Variants in DOCK5 observed in about 807,000 individuals in gnomAD.
The protein encoded by DOCK5 is dedicator of cytokinesis protein 5.
In DOCK5, 142 loss-of-function variants were observed where a neutral mutation model predicts 251.8. That is an observed-to-expected ratio of 0.56 (90% CI 0.49 to 0.65). DOCK5 has a LOEUF of 0.65. Ranked by LOEUF, DOCK5 falls within the 30% of genes least tolerant of loss-of-function variation. DOCK5 has a pLI of 0.00. For synonymous variants in DOCK5, 842 were observed against 835.5 expected, an observed-to-expected ratio of 1.01 and a Z score of -0.13; for missense variants, 2,111 against 2,312.3, an observed-to-expected ratio of 0.91 and a Z score of 1.79.
At chr8:25,370,705 C>T (rs1355687134) in intron 34 of DOCK5, among the ~76,000 whole-genome samples, 1 of 152,132 alleles carries the variant, frequency 6.6e-6, no homozygotes, top group Non-Finnish European at 1.5e-5. Flanking sequence ...TGGGGTCTTG[C>T]CGTGTTGCCA....
At chr8:25,260,955 C>T (rs1466740957) in intron 2 of DOCK5, among the ~76,000 whole-genome samples, 1 of 152,036 alleles carries the variant, frequency 6.6e-6, no homozygotes, top group Non-Finnish European at 1.5e-5. Flanking sequence ...GCCACCTCAC[C>T]TGGCTAGTTA....
At chr8:25,249,371 T>A (rs1803206740) in intron 2 of DOCK5, among the ~76,000 whole-genome samples, 1 of 152,184 alleles carries the variant, frequency 6.6e-6, no homozygotes, top group Non-Finnish European at 1.5e-5. Flanking sequence ...TCAATTTACT[T>A]ATTTAAAGTA....
chr8:25,355,697 G>A (rs1055426112), intron 27 of DOCK5, among the ~76,000 whole-genome samples: 2 of 151,992 alleles, frequency 1.3e-5, no homozygotes, highest in African/African-American at 4.8e-5. Context: ...TGATCCACCC[G>A]CCTTAGCATC....
intron 18 of DOCK5, among the ~76,000 whole-genome samples, chr8:25,326,035 T>A (rs1480157625): frequency 2.0e-5 from 3 of 152,210 alleles, no homozygotes; most frequent in Non-Finnish European, 4.4e-5. Flanking sequence ...GGATTTTCCA[T>A]AAATTCAGCT....
chr8:25,407,651 T>C (rs1490298825), intron 48 of DOCK5, among the ~76,000 whole-genome samples: 3 of 151,610 alleles, frequency 2.0e-5, no homozygotes, highest in Non-Finnish European at 4.4e-5. Context: ...GGTAGGAGCA[T>C]CACTTGAGCC....
At chr8:25,270,341 G>A (rs1374273962) in intron 3 of DOCK5, among the ~76,000 whole-genome samples, 1 of 152,152 alleles carries the variant, frequency 6.6e-6, no homozygotes, top group Non-Finnish European at 1.5e-5. Flanking sequence ...TAAAGTGAAA[G>A]CTTTTCTTCT....
intron 2 of DOCK5, among the ~76,000 whole-genome samples, chr8:25,258,861 G>A (rs1043342208): frequency 6.6e-6 from 1 of 152,228 alleles, no homozygotes; most frequent in African/African-American, 2.4e-5. Flanking sequence ...GCTCACGCTT[G>A]TAATCCCAGC....
At chr8:25,324,242 G>C (rs916396966) in intron 17 of DOCK5, among the ~76,000 whole-genome samples, 4 of 152,280 alleles carry the variant, frequency 2.6e-5, no homozygotes, top group African/African-American at 9.6e-5. Context: ...TGAATGGTAA[G>C]GGGTCGGCCT....
intron 48 of DOCK5, among the ~76,000 whole-genome samples, chr8:25,406,667 G>T (rs944798368): frequency 2.6e-5 from 4 of 151,072 alleles, no homozygotes; most frequent in Non-Finnish European, 4.4e-5. Context: ...TCGTTGTGTC[G>T]CCCAGGCTGG....
chr8:25,406,008 G>C (rs1458393842), intron 48 of DOCK5, among the ~76,000 whole-genome samples: 2 of 152,052 alleles, frequency 1.3e-5, no homozygotes, highest in African/African-American at 4.8e-5. Flanking sequence ...ACCCAGGCTG[G>C]AGTGCAGTGG....
rs1380614831 is a variant in DOCK5 at position 25,412,654 on chromosome 8, T to C, written c.*1356T>C. The stretch of plus-strand genomic sequence containing the variant: ...GGCAAAGCAGAAAGCTTTTTGACTG[T>C]GAAGGCAGAGGTCAGCACTGGGGGA... On this transcript the variant is annotated 3_prime_UTR_variant, in exon 52 of 52. Coordinates refer to ENST00000276440, the MANE Select transcript of DOCK5 (RefSeq NM_024940.8). 2 of 152,258 alleles carry C rather than the reference T, an allele frequency of 1.3e-5. No homozygotes were observed. The highest frequency in any genetic ancestry group is 2.9e-5 in the Non-Finnish European group (2 of 68,054). The allele number at this position is 152,258 out of a possible 1,614,324, so 9.4% of individuals were successfully genotyped here.
At chr8:25,351,382 C>G (rs1177351252) in intron 26 of DOCK5, 1 of 233,156 alleles carries the variant, frequency 4.3e-6, no homozygotes, top group African/African-American at 2.3e-5. Flanking sequence ...CTAATCTGCT[C>G]AACCTCAGAA....
chr8:25,188,811 C>A (rs528290997), intron 1 of DOCK5, among the ~76,000 whole-genome samples: 1 of 142,172 alleles, frequency 7.0e-6, no homozygotes, highest in African/African-American at 2.4e-5. Context: ...GCTTTTTTCT[C>A]ATCTTTTTTC....
At chr8:25,275,573 G>T in intron 4 of DOCK5, 132 bp downstream of exon 4, 1 of 872,042 alleles carries the variant, frequency 1.1e-6, no homozygotes, top group Non-Finnish European at 1.7e-6. Context: ...GGTGGCTCAC[G>T]CCTGTAATCC....
intron 1 of DOCK5, among the ~76,000 whole-genome samples, chr8:25,214,351 G>A (rs1802177002): frequency 6.6e-6 from 1 of 152,112 alleles, no homozygotes; most frequent in African/African-American, 2.4e-5. Flanking sequence ...GGCACAGAGA[G>A]GTGAGCCTGG....
In DOCK5 at chr8:25,300,557, T is replaced by G. The variant is rs200398017; in HGVS notation, c.765-19T>G. The G allele has an allele frequency of 6.0e-5, 2 of 33,138 alleles. No homozygotes were observed. Among genetic ancestry groups the G allele is most frequent in the South Asian group, 1.5e-3 (2 of 1,316 alleles). 2.1% of individuals were successfully genotyped at this position (33,138 alleles called of 1,614,324 possible). A position where few individuals can be genotyped will look rare whatever the true frequency, so the allele number is the denominator to read the frequency against. ...CCAGTTAGCCTCTCATTAAGAGCAA[T>G]TTTTTTTTCCTTTGCCAGTGAGAAC... is the stretch of plus-strand genomic sequence containing the variant. On this transcript the variant is annotated intron_variant, in intron 8 of 51. Transcript: ENST00000276440.
intron 5 of DOCK5, among the ~76,000 whole-genome samples, chr8:25,289,673 T>C (rs1804436901): frequency 6.6e-6 from 1 of 150,992 alleles, no homozygotes; most frequent in African/African-American, 2.4e-5. Flanking sequence ...AGAAACCCCA[T>C]CTCTACCAAA....
chr8:25,210,043 T>TATATATAA lies in DOCK5; in HGVS notation c.43+25092_43+25093insATATATAA, dbSNP rs1563309184. ...ATATATATATATATATAAATGTGTGTGTGTGTGTGTGTGTGTGTGTGTGTG... is the reference window on the plus strand; with the variant it reads ...ATATATATATATATATAAATGTGTGTATATATAAGTGTGTGTGTGTGTGTGTGTGTGTG... On this transcript the variant is annotated intron_variant, in intron 1 of 51. Coordinates refer to ENST00000276440, the MANE Select transcript of DOCK5 (RefSeq NM_024940.8). Among the ~76,000 whole-genome samples, 14 of 25,198 alleles carry TATATATAA rather than the reference T, an allele frequency of 5.6e-4. 6 individuals carry two copies. Among genetic ancestry groups the TATATATAA allele is most frequent in the South Asian group, 1.6e-3 (2 of 1,216 alleles). 16.5% of individuals were successfully genotyped at this position (25,198 alleles called of 152,430 possible). A position where few individuals can be genotyped will look rare whatever the true frequency, so the allele number is the denominator to read the frequency against.
chr8:25,194,193 C>T (rs961061829), intron 1 of DOCK5, among the ~76,000 whole-genome samples: 5 of 151,420 alleles, frequency 3.3e-5, no homozygotes, highest in African/African-American at 1.2e-4. Context: ...ACTAGGGAGG[C>T]TGAGGTAGGA....
Sources: allele counts gnomAD v4.1 joint callset (sites outside exome capture counted in the v4.1 genomes callset), GRCh38; gene constraint gnomAD v4.1.1; transcripts MANE v1.5; gene names NCBI Gene and HGNC (gene_info 2026-07-23, HGNC 2026-07-21).